KCNQ1: variants seen among roughly 807,000 people sequenced by gnomAD.
KCNQ1 encodes the protein potassium voltage-gated channel subfamily KQT member 1.
In KCNQ1, 49 loss-of-function variants were observed where a neutral mutation model predicts 72.4. That is an observed-to-expected ratio of 0.68 (90% CI 0.54 to 0.86). The LOEUF is 0.86. Ranked by LOEUF, KCNQ1 falls within the 40% of genes least tolerant of loss-of-function variation. KCNQ1 has a pLI of 0.00. For synonymous variants in KCNQ1, 450 were observed against 412.6 expected, an observed-to-expected ratio of 1.09 and a Z score of -1.10; for missense variants, 790 against 945.1, an observed-to-expected ratio of 0.84 and a Z score of 2.15.
chr11:2,756,818 A>G (rs978338437), intron 11 of KCNQ1, among the ~76,000 whole-genome samples: 6 of 152,114 alleles, frequency 3.9e-5, no homozygotes, highest in Non-Finnish European at 8.8e-5. Flanking sequence ...AACTAATTAT[A>G]TGACATTTTA....
intron 2 of KCNQ1, among the ~76,000 whole-genome samples, chr11:2,548,334 T>A (rs895291692): frequency 2.0e-5 from 3 of 152,232 alleles, no homozygotes; most frequent in Admixed American, 6.5e-5. Flanking sequence ...AAAGTCTGAA[T>A]CAAGCGTGGC....
intron 15 of KCNQ1, among the ~76,000 whole-genome samples, chr11:2,840,793 T>G (rs1848191697): frequency 1.3e-5 from 2 of 152,230 alleles, no homozygotes; most frequent in Admixed American, 6.5e-5. Context: ...AAAGGCCCAG[T>G]CCCAGCCTCA....
In KCNQ1 at chr11:2,811,819, C is replaced by T. The variant is rs574055387; in HGVS notation, c.1794+33782C>T. Among the ~76,000 whole-genome samples the T allele has an allele frequency of 3.7e-3, 559 of 152,318 alleles. 1 individual carries two copies. The highest frequency in any genetic ancestry group is 6.8e-3 in the Middle Eastern group (2 of 294). On this transcript the variant is annotated intron_variant, in intron 15 of 15. Coordinates refer to ENST00000155840, the MANE Select transcript of KCNQ1 (RefSeq NM_000218.3). ...CCAAAGAGGAGGGGCCGGCGAAAGC[C>T]AGGCTTCCTGCAGGCTCAAGCCTGG...
At chr11:2,842,250 C>A (rs1848229518) in intron 15 of KCNQ1, among the ~76,000 whole-genome samples, 1 of 152,218 alleles carries the variant, frequency 6.6e-6, no homozygotes, top group African/African-American at 2.4e-5. Context: ...AAGACTCACA[C>A]ACAGCCTGGA....
At position 2,537,679 on chromosome 11, in the gene KCNQ1, C is replaced by T. The variant is rs1435289554; in HGVS notation, c.477+9661C>T. ...GCACGTTTCTCTCTATATGCAAAAA[C>T]CTATATGGGTTTTGTGGGGTTTTTT... On this transcript the variant is annotated intron_variant, in intron 2 of 15. Transcript: ENST00000155840. This position sits in a 1 kb window ranked among gnomAD's most constrained non-coding sequence, Gnocchi z 5.2. Among the ~76,000 whole-genome samples, 2 of 150,886 alleles carry T rather than the reference C, an allele frequency of 1.3e-5. No individual in the cohort carries two copies. Among genetic ancestry groups the T allele is most frequent in the African/African-American group, 5.0e-5 (2 of 40,220 alleles).
In KCNQ1 at chr11:2,813,647, A is replaced by G. The variant is rs1310960176; in HGVS notation, c.1795-34120A>G. Among the ~76,000 whole-genome samples, 2 of 151,966 alleles carry G rather than the reference A, an allele frequency of 1.3e-5. No individual in the cohort carries two copies. Among genetic ancestry groups the G allele is most frequent in the Admixed American group, 1.3e-4 (2 of 15,260 alleles). On this transcript the variant is annotated intron_variant, in intron 15 of 15. Coordinates refer to ENST00000155840, the MANE Select transcript of KCNQ1 (RefSeq NM_000218.3). The surrounding 1 kb of genome is among the most constrained non-coding windows in gnomAD (Gnocchi z 4.4). ...GAGGGGAGGACCAACATCTCGGCTG[A>G]TCCTGGTCTATTTTTAGTCGGTGGT...
Position 2,567,006 on chromosome 11 carries a change from T to A in KCNQ1, c.478-3622T>A, listed in dbSNP as rs7118348. 0.15 allele frequency among the ~76,000 whole-genome samples: 22,000 copies of A among 146,960 alleles called. 5,147 individuals carry two copies. The highest frequency in any genetic ancestry group is 0.5 in the African/African-American group (19,993 of 39,928). Reference sequence around the variant, plus strand: ...GAGTGGGGGAGGGAGAGAGCACTCCTGACACAGGGTCCTGAGGAGGCAGGG... The same window carrying A: ...GAGTGGGGGAGGGAGAGAGCACTCCAGACACAGGGTCCTGAGGAGGCAGGG... On this transcript the variant is annotated intron_variant, in intron 2 of 15. Coordinates refer to ENST00000155840, the MANE Select transcript of KCNQ1 (RefSeq NM_000218.3). The surrounding 1 kb of genome is among the most constrained non-coding windows in gnomAD (Gnocchi z 6.6).
Position 2,679,580 on chromosome 11 carries a change from C to T in KCNQ1, c.1514+17499C>T, listed in dbSNP as rs1850352399. ...CATGTGTACCATGCAATTCACAGTG[C>T]CTGACAAAGCTGATGGGGAGGCGAG... is the stretch of plus-strand genomic sequence containing the variant. On this transcript the variant is annotated intron_variant, in intron 11 of 15. Coordinates refer to ENST00000155840, the MANE Select transcript of KCNQ1 (RefSeq NM_000218.3). This position sits in a 1 kb window ranked among gnomAD's most constrained non-coding sequence, Gnocchi z 4.8. The T allele has an allele frequency of 2.5e-6, 1 of 398,580 alleles. No homozygotes were observed. The highest frequency in any genetic ancestry group is 4.4e-6 in the Non-Finnish European group (1 of 226,062). 24.7% of individuals were successfully genotyped at this position (398,580 alleles called of 1,614,324 possible).
In KCNQ1 at chr11:2,848,655, G is replaced by T. The variant is rs886048174; in HGVS notation, c.*652G>T. 3.3e-5 allele frequency: 15 copies of T among 451,292 alleles called. No homozygotes were observed. The highest frequency in any genetic ancestry group is 2.3e-4 in the South Asian group (15 of 64,442). 28.0% of individuals were successfully genotyped at this position (451,292 alleles called of 1,614,324 possible). A position where few individuals can be genotyped will look rare whatever the true frequency, so the allele number is the denominator to read the frequency against. On this transcript the variant is annotated 3_prime_UTR_variant, in exon 16 of 16. Transcript: ENST00000155840. The stretch of plus-strand genomic sequence containing the variant: ...GGGCACGTGGTTGAGTGGGGGGAAC[G>T]CCCACTTCCCTGGGTTAGACTGCCA...
rs771224990 is a variant in KCNQ1 at position 2,562,976 on chromosome 11, G to T, written c.478-7652G>T. On this transcript the variant is annotated intron_variant, in intron 2 of 15. Coordinates refer to ENST00000155840, the MANE Select transcript of KCNQ1 (RefSeq NM_000218.3). This position sits in a 1 kb window ranked among gnomAD's most constrained non-coding sequence, Gnocchi z 7.5. ...TAATATCAGAGACACTAAAGTCCTC[G>T]CGATAAGGGTCTGCGAGGCTTCCTT... 6.6e-6 allele frequency among the ~76,000 whole-genome samples: 1 copy of T among 152,144 alleles called. No individual in the cohort carries two copies. The highest frequency in any genetic ancestry group is 1.5e-5 in the Non-Finnish European group (1 of 68,032).
intron 11 of KCNQ1, among the ~76,000 whole-genome samples, chr11:2,732,116 G>A (rs188782352): frequency 3.3e-5 from 5 of 152,368 alleles, no homozygotes; most frequent in Admixed American, 2.6e-4. Flanking sequence ...GAGTGCCTGC[G>A]TGGTGGCCTC....
intron 1 of KCNQ1, among the ~76,000 whole-genome samples, chr11:2,469,671 CA>C (rs1233040660): frequency 7.2e-6 from 1 of 138,326 alleles, no homozygotes; most frequent in African/African-American, 2.8e-5. Context: ...TTCTTTTAAA[CA>C]ATTTTTTTTT....
intron 2 of KCNQ1, among the ~76,000 whole-genome samples, chr11:2,533,275 G>A (rs1002852435): frequency 8.5e-5 from 13 of 152,216 alleles, no homozygotes; most frequent in Admixed American, 8.5e-4. Context: ...CTGAACCAGG[G>A]ATATGCGGTG....
At chr11:2,811,242 C>T (rs546973028) in intron 15 of KCNQ1, among the ~76,000 whole-genome samples, 5 of 152,234 alleles carry the variant, frequency 3.3e-5, no homozygotes, top group Admixed American at 6.5e-5. Context: ...GACCCCTGTC[C>T]GGCTTCCCTG....
chr11:2,805,098 C>T (rs988610912), intron 15 of KCNQ1, among the ~76,000 whole-genome samples: 3 of 152,014 alleles, frequency 2.0e-5, no homozygotes, highest in Admixed American at 1.3e-4. Flanking sequence ...GGGCAGCTGC[C>T]GGACAAGCCC....
At chr11:2,770,426 C>A (rs1479281353) in intron 12 of KCNQ1, among the ~76,000 whole-genome samples, 2 of 152,264 alleles carry the variant, frequency 1.3e-5, no homozygotes, top group Non-Finnish European at 2.9e-5. Flanking sequence ...CACTCTGAGC[C>A]CCAAGAGCAG....
intron 11 of KCNQ1, chr11:2,688,787 G>A: frequency 2.5e-6 from 1 of 398,734 alleles, no homozygotes; most frequent in Non-Finnish European, 4.4e-6. Flanking sequence ...CTATATACTT[G>A]CCCTCCCCCA....
intron 8 of KCNQ1, among the ~76,000 whole-genome samples, chr11:2,586,580 G>T (rs971510795): frequency 2.0e-5 from 3 of 152,172 alleles, no homozygotes; most frequent in Non-Finnish European, 2.9e-5. Context: ...CAGGTGGCAG[G>T]TGTGCACAGG....
chr11:2,588,674 T>C lies in KCNQ1; in HGVS notation c.1252-39T>C. 1 of 1,611,362 alleles carries C rather than the reference T, an allele frequency of 6.2e-7. No individual in the cohort carries two copies. The stretch of plus-strand genomic sequence containing the variant: ...GGCCGGCGTAGGGCCTGGCAGACGA[T>C]GTCCAGGAACCGCTAATCTGTTGTC... On this transcript the variant is annotated intron_variant, in intron 9 of 15. Transcript: ENST00000155840. The surrounding 1 kb of genome is among the most constrained non-coding windows in gnomAD (Gnocchi z 5.6).
Sources: allele counts gnomAD v4.1 joint callset (sites outside exome capture counted in the v4.1 genomes callset), GRCh38; gene constraint gnomAD v4.1.1; non-coding constraint Gnocchi (gnomAD v3.1); transcripts MANE v1.5; gene names NCBI Gene and HGNC (gene_info 2026-07-23, HGNC 2026-07-21).